LNX1: variants seen among roughly 807,000 people sequenced by gnomAD.
LNX1 encodes E3 ubiquitin-protein ligase LNX.
In LNX1, 54 loss-of-function variants were observed where a neutral mutation model predicts 68.4. The observed-to-expected ratio is 0.79, with a 90% confidence interval of 0.63 to 0.99. The LOEUF is 0.99. LNX1 is among the 50% of genes least tolerant of loss of function. The probability of loss-of-function intolerance (pLI) is 0.00; values close to 1 mark genes in which losing one functional copy is unlikely to be tolerated. For missense variants in LNX1, 906 were observed against 926.4 expected (o/e 0.98, Z 0.29); for synonymous variants, 336 against 350.0 (o/e 0.96, Z 0.45).
At chr4:53,466,376 C>T (rs764305888) in intron 9 of LNX1, among the ~76,000 whole-genome samples, 2 of 152,072 alleles carry the variant, frequency 1.3e-5, no homozygotes, top group Admixed American at 6.5e-5. Flanking sequence ...TGAAGACAGC[C>T]GAATAGGAAC....
At chr4:53,593,635 C>T (rs1254610647), upstream of LNX1, among the ~76,000 whole-genome samples, 2 of 151,496 alleles carry the variant, frequency 1.3e-5, no homozygotes, top group Non-Finnish European at 2.9e-5. Context: ...TCCTGGATTT[C>T]GAATAATATG....
intron 1 of LNX1, chr4:53,579,258 T>C: frequency 1.0e-6 from 1 of 984,910 alleles, no homozygotes; most frequent in Non-Finnish European, 1.2e-6. Flanking sequence ...TACGTACGTG[T>C]ATGATGGGTA....
At chr4:53,635,447 T>C (rs374458968) in intron 1 of LNX1, among the ~76,000 whole-genome samples, 1 of 152,240 alleles carries the variant, frequency 6.6e-6, no homozygotes, top group African/African-American at 2.4e-5. Flanking sequence ...TTTAGATTGA[T>C]GTTCTTTTTC....
Position 53,471,872 on chromosome 4 carries a change from C to A in LNX1, c.1892+4881G>T, listed in dbSNP as rs575803402. 2.0e-5 allele frequency among the ~76,000 whole-genome samples: 3 copies of A among 152,278 alleles called. No individual in the cohort carries two copies. In the South Asian group the frequency reaches 6.2e-4, roughly 32 times the overall value. On this transcript the variant is annotated intron_variant, in intron 9 of 10. Transcript: ENST00000263925. ...GAGAGGATGTGGAGAAATAGAAACA[C>A]TTTTACACTGTTGGTGGGACTGTAA...
chr4:53,468,071 A>C (rs1259504174), intron 9 of LNX1, among the ~76,000 whole-genome samples: 1 of 152,228 alleles, frequency 6.6e-6, no homozygotes, highest in Non-Finnish European at 1.5e-5. Flanking sequence ...GAAGGAAAAA[A>C]TGTTCAGGGC....
intron 6 of LNX1, among the ~76,000 whole-genome samples, chr4:53,484,963 G>C (rs1724190257): frequency 6.6e-6 from 1 of 152,108 alleles, no homozygotes; most frequent in African/African-American, 2.4e-5. Flanking sequence ...TACCTATCTT[G>C]AATTCCCTGG....
At chr4:53,555,443 G>A (rs79974771) in intron 2 of LNX1, among the ~76,000 whole-genome samples, 1 of 152,132 alleles carries the variant, frequency 6.6e-6, no homozygotes, top group African/African-American at 2.4e-5. Context: ...TCACCAACAT[G>A]GACAATCTCT....
intron 1 of LNX1, among the ~76,000 whole-genome samples, chr4:53,589,851 T>C (rs1332012688): frequency 6.6e-6 from 1 of 152,210 alleles, no homozygotes; most frequent in East Asian, 1.9e-4. Flanking sequence ...TTCTTCTACC[T>C]GGGGGTACAG....
chr4:53,566,917 A>C (rs1299743885), intron 2 of LNX1, among the ~76,000 whole-genome samples: 29 of 152,224 alleles, frequency 1.9e-4, no homozygotes, highest in Non-Finnish European at 1.0e-4. Context: ...CATAATGGTA[A>C]AGGGATCATT....
intron 9 of LNX1, among the ~76,000 whole-genome samples, chr4:53,467,090 C>A (rs1722745087): frequency 6.6e-6 from 1 of 152,190 alleles, no homozygotes; most frequent in African/African-American, 2.4e-5. Flanking sequence ...GGGAGGCACC[C>A]CCCAGTAGGG....
At chr4:53,523,446 C>T (rs900965291) in intron 2 of LNX1, among the ~76,000 whole-genome samples, 1 of 152,122 alleles carries the variant, frequency 6.6e-6, no homozygotes, top group African/African-American at 2.4e-5. Context: ...ACCACCACGC[C>T]TGGCTTATTT....
chr4:53,582,172 T>C (rs1279337461), intron 1 of LNX1, among the ~76,000 whole-genome samples: 1 of 152,206 alleles, frequency 6.6e-6, no homozygotes, highest in Admixed American at 6.5e-5. Flanking sequence ...TCCTTTTACC[T>C]GACCTGGTGG....
intron 9 of LNX1, among the ~76,000 whole-genome samples, chr4:53,466,036 G>T (rs1722652886): frequency 6.6e-6 from 1 of 152,090 alleles, no homozygotes; most frequent in Admixed American, 6.5e-5. Flanking sequence ...AGGCATTTAT[G>T]ATTCCATTGT....
At chr4:53,558,198 T>C (rs1052193469) in intron 2 of LNX1, 1 of 1,310,170 alleles carries the variant, frequency 7.6e-7, no homozygotes, top group Non-Finnish European at 9.8e-7. Flanking sequence ...CCACCACGGT[T>C]GGCGAGAGAG....
intron 2 of LNX1, among the ~76,000 whole-genome samples, chr4:53,551,816 C>T (rs1729536046): frequency 1.3e-5 from 2 of 152,182 alleles, no homozygotes; most frequent in African/African-American, 4.8e-5. Context: ...GCCTTGGCCT[C>T]TCACCCTGCC....
chr4:53,567,673 C>A (rs2109759708), intron 2 of LNX1, among the ~76,000 whole-genome samples: 1 of 151,956 alleles, frequency 6.6e-6, no homozygotes, highest in East Asian at 1.9e-4. Flanking sequence ...AATAGAGACA[C>A]AAAAAACCCT....
chr4:53,465,074 C>A (rs1229541311), intron 9 of LNX1, among the ~76,000 whole-genome samples: 1 of 152,112 alleles, frequency 6.6e-6, no homozygotes. Context: ...TTCTTCCAAG[C>A]GTCTTGCATT....
chr4:53,598,400 T>A (rs1026753994), intron 2 of LNX1, among the ~76,000 whole-genome samples: 12 of 151,766 alleles, frequency 7.9e-5, no homozygotes, highest in African/African-American at 2.7e-4. Flanking sequence ...GCCCAGCAAA[T>A]TTTTGTATTT....
At position 53,566,319 on chromosome 4, in the gene LNX1, C is replaced by T. The variant is rs931376447; in HGVS notation, c.380+7304G>A. On this transcript the variant is annotated intron_variant, in intron 2 of 10. Transcript: ENST00000263925. ...GATCTCTCTGCAGAAACCCTACAAG[C>T]CAGAAGAGAGTGGGGGCCAATATTC... 3.6e-4 allele frequency among the ~76,000 whole-genome samples: 55 copies of T among 151,526 alleles called. 1 individual carries two copies. Among genetic ancestry groups the T allele is most frequent in the African/African-American group, 1.3e-3 (53 of 40,952 alleles).
Sources: gnomAD v4.1 joint callset for allele counts (sites outside exome capture counted in the v4.1 genomes callset) on GRCh38, gnomAD v4.1.1 for gene constraint, MANE v1.5 for transcripts, NCBI Gene and HGNC (gene_info 2026-07-23, HGNC 2026-07-21) for gene names.